Variants in PLCE1 observed in about 807,000 individuals in gnomAD.
The protein encoded by PLCE1 is 1-phosphatidylinositol 4,5-bisphosphate phosphodiesterase epsilon-1.
In PLCE1, 119 loss-of-function variants were observed where a neutral mutation model predicts 242.8. That is an observed-to-expected ratio of 0.49 (90% CI 0.42 to 0.57). PLCE1 has a LOEUF of 0.57. Ranked by LOEUF, PLCE1 falls within the 20% of genes least tolerant of loss-of-function variation. The pLI is 0.00. For missense variants in PLCE1, 2,441 were observed against 2,788.8 expected, an observed-to-expected ratio of 0.88 and a Z score of 2.81; for synonymous variants, 945 against 1,017.4, an observed-to-expected ratio of 0.93 and a Z score of 1.35.
intron 1 of PLCE1, among the ~76,000 whole-genome samples, chr10:94,013,182 T>G (rs1238837199): frequency 6.6e-6 from 1 of 152,218 alleles, no homozygotes; most frequent in East Asian, 1.9e-4. Flanking sequence ...TTGAGCCCCT[T>G]AGTAAGAAAA....
chr10:94,099,407 C>A (rs1230564289), intron 2 of PLCE1, among the ~76,000 whole-genome samples: 1 of 152,174 alleles, frequency 6.6e-6, no homozygotes, highest in Non-Finnish European at 1.5e-5. Flanking sequence ...TTTTACAGAT[C>A]ACAAAACTGA....
chr10:94,096,409 A>G (rs761476667), intron 2 of PLCE1: 10 of 152,230 alleles, frequency 6.6e-5, no homozygotes, highest in Non-Finnish European at 1.5e-4. Context: ...GGCCTCATGA[A>G]ACTTAATCAT....
chr10:94,182,825 A>G (rs2048354907), intron 4 of PLCE1, among the ~76,000 whole-genome samples: 1 of 152,150 alleles, frequency 6.6e-6, no homozygotes, highest in Admixed American at 6.5e-5. Flanking sequence ...CTTATTGGAG[A>G]CATGTTTAAT....
chr10:94,084,242 T>G (rs2044736885), intron 2 of PLCE1, among the ~76,000 whole-genome samples: 1 of 152,158 alleles, frequency 6.6e-6, no homozygotes, highest in Non-Finnish European at 1.5e-5. Flanking sequence ...TTCAAATTTA[T>G]TTTTGACCAA....
intron 3 of PLCE1, among the ~76,000 whole-genome samples, chr10:94,151,263 C>T (rs1040264126): frequency 6.6e-6 from 1 of 152,212 alleles, no homozygotes. Context: ...TCCATAAGGA[C>T]TCCCCTTGGT....
At chr10:94,235,840 A>C in intron 6 of PLCE1, 75 bp from the exon 7 acceptor site, 1 of 1,500,800 alleles carries the variant, frequency 6.7e-7, no homozygotes, top group East Asian at 2.3e-5. Flanking sequence ...TTACTTTATG[A>C]TTTCATTTCC....
intron 32 of PLCE1, among the ~76,000 whole-genome samples, chr10:94,326,903 G>A (rs940243310): frequency 1.3e-5 from 2 of 152,164 alleles, no homozygotes; most frequent in Non-Finnish European, 2.9e-5. Flanking sequence ...GCTCACGCCT[G>A]TAATCCCAGC....
chr10:94,215,656 G>T (rs971174494), intron 4 of PLCE1, among the ~76,000 whole-genome samples: 3 of 152,282 alleles, frequency 2.0e-5, no homozygotes. Context: ...GGATATACAA[G>T]ATAAGAGCTA....
intron 4 of PLCE1, among the ~76,000 whole-genome samples, chr10:94,185,277 C>T (rs2048438355): frequency 6.6e-6 from 1 of 152,222 alleles, no homozygotes; most frequent in African/African-American, 2.4e-5. Context: ...GGTGGATCAC[C>T]TGAGATCAGG....
At chr10:94,146,745 G>A (rs577297426) in intron 3 of PLCE1, among the ~76,000 whole-genome samples, 8 of 152,338 alleles carry the variant, frequency 5.3e-5, no homozygotes, top group Non-Finnish European at 7.3e-5. Flanking sequence ...AGCTCAAGAT[G>A]GGGCTTTATC....
chr10:94,308,837 CT>C, intron 27 of PLCE1, 138 bp downstream of exon 27: 2 of 758,596 alleles, frequency 2.6e-6, no homozygotes, highest in South Asian at 2.8e-5. Context: ...ATGGCTGACA[CT>C]TGGCACTGAC....
At chr10:94,307,910 T>G (rs1025395169) in intron 26 of PLCE1, among the ~76,000 whole-genome samples, 1 of 151,686 alleles carries the variant, frequency 6.6e-6, no homozygotes, top group African/African-American at 2.4e-5. Flanking sequence ...ACAAAAACAA[T>G]TTTTTTTTAA....
At position 94,316,716 on chromosome 10, in the gene PLCE1, A is replaced by C; in HGVS notation, c.6302A>C (p.Glu2101Ala). The change falls in exon 29 of 33, where the codon GAG becomes GCG. Residue 2101 changes from glutamate (E) to alanine (A), a missense_variant. This residue lies in a region of PLCE1 where 310 missense variants were observed against 317.2 expected (regional missense o/e 0.98). Coordinates refer to ENST00000371380, the MANE Select transcript of PLCE1 (RefSeq NM_016341.4). ...MQILSSWFPE[E>A]GYMGRIVLKT... is the part of the protein sequence containing the mutation. The stretch of plus-strand genomic sequence containing the variant: ...ATTTTAAGCAGCTGGTTTCCAGAAG[A>C]GGGATACATGGGCAGGATTGTCTTA... The C allele has an allele frequency of 6.2e-7, 1 of 1,614,054 alleles. No homozygotes were observed. Among genetic ancestry groups the C allele is most frequent in the Non-Finnish European group, 8.5e-7 (1 of 1,179,930 alleles).
intron 3 of PLCE1, among the ~76,000 whole-genome samples, chr10:94,134,325 C>T (rs1360243182): frequency 6.6e-6 from 1 of 152,158 alleles, no homozygotes; most frequent in Non-Finnish European, 1.5e-5. Context: ...TCTCGAACTC[C>T]TGACCTCAGG....
chr10:94,253,502 C>G (rs1399810672), intron 9 of PLCE1, among the ~76,000 whole-genome samples: 1 of 152,104 alleles, frequency 6.6e-6, no homozygotes, highest in Non-Finnish European at 1.5e-5. Flanking sequence ...CACAGGTGTA[C>G]ACCACCATGC....
intron 3 of PLCE1, among the ~76,000 whole-genome samples, chr10:94,158,854 C>CTTTTTTTT (rs35760715): frequency 2.6e-4 from 29 of 111,572 alleles, no homozygotes; most frequent in Admixed American, 3.4e-4. Context: ...TCTTCTTTTT[C>CTTTTTTTT]TTTTTTTTTT....
At chr10:94,115,643 A>G (rs1163517390) in intron 2 of PLCE1, among the ~76,000 whole-genome samples, 1 of 152,046 alleles carries the variant, frequency 6.6e-6, no homozygotes, top group Admixed American at 6.6e-5. Context: ...GTTTGTGTTC[A>G]TTGTAAGTTC....
intron 7 of PLCE1, 112 bp downstream of exon 7, chr10:94,236,232 C>CT: frequency 1.2e-6 from 1 of 804,226 alleles, no homozygotes; most frequent in East Asian, 2.7e-5. Context: ...AAACCTGCCA[C>CT]TTTTATCATT....
intron 7 of PLCE1, among the ~76,000 whole-genome samples, chr10:94,239,224 C>T (rs945000987): frequency 2.0e-5 from 3 of 152,216 alleles, no homozygotes; most frequent in African/African-American, 7.2e-5. Flanking sequence ...GCCAAACTCT[C>T]ATCTTGATTT....
Sources: allele counts gnomAD v4.1 joint callset (sites outside exome capture counted in the v4.1 genomes callset), GRCh38; gene constraint gnomAD v4.1.1; regional missense constraint gnomAD v4.1.1; transcripts MANE v1.5; gene names NCBI Gene and HGNC (gene_info 2026-07-23, HGNC 2026-07-21).